PLCB1: variants seen among roughly 807,000 people sequenced by gnomAD.
PLCB1 encodes phospholipase C beta 1.
A neutral mutation model predicts 161.8 loss-of-function variants in PLCB1; 46 were observed. The ratio of observed to expected loss-of-function variants is 0.28; its 90% CI spans 0.22 to 0.36. The LOEUF is 0.36. PLCB1 is among the 10% of genes least tolerant of loss of function. The pLI is 1.00. For synonymous variants in PLCB1, 517 were observed against 503.7 expected (o/e 1.03, Z -0.35); for missense variants, 1,016 against 1,472.5 (o/e 0.69, Z 5.07).
At chr20:8,699,561 C>G (rs1990654296) in intron 11 of PLCB1, among the ~76,000 whole-genome samples, 1 of 152,082 alleles carries the variant, frequency 6.6e-6, no homozygotes, top group Non-Finnish European at 1.5e-5. Context: ...AGATCCCAAA[C>G]CCCAGCTTCT....
chr20:8,292,030 G>A lies in PLCB1; in HGVS notation c.178-79352G>A, dbSNP rs371873846. ...TAGGTTATAAAGTCAGCACATAGTG[G>A]AGAAAATGCCATAGAGTCCAAATTA... On this transcript the variant is annotated intron_variant, in intron 2 of 31. Coordinates refer to ENST00000338037, the MANE Select transcript of PLCB1 (RefSeq NM_015192.4). Among the ~76,000 whole-genome samples the A allele has an allele frequency of 6.6e-5, 10 of 152,058 alleles. No individual in the cohort carries two copies. The East Asian group carries it at 1.4e-3, about 21-fold the overall frequency.
In PLCB1 at chr20:8,645,122, T is replaced by G. The variant is rs551745843; in HGVS notation, c.385-980T>G. ...GTTAAACAGATGCTTGAAGGCAGCATGCTCGTTAAGAGTCATCACCACTCC... is the reference window on the plus strand; with the variant it reads ...GTTAAACAGATGCTTGAAGGCAGCAGGCTCGTTAAGAGTCATCACCACTCC... On this transcript the variant is annotated intron_variant, in intron 4 of 31. Transcript: ENST00000338037. 1.1e-3 allele frequency among the ~76,000 whole-genome samples: 165 copies of G among 151,370 alleles called. 1 individual carries two copies. The highest frequency in any genetic ancestry group is 1.9e-3 in the Non-Finnish European group (129 of 67,630).
At chr20:8,378,983 A>G (rs959547768) in intron 3 of PLCB1, among the ~76,000 whole-genome samples, 1 of 151,912 alleles carries the variant, frequency 6.6e-6, no homozygotes, top group African/African-American at 2.4e-5. Flanking sequence ...TTATGTTTTT[A>G]ATTTTACTTT....
chr20:8,754,862 T>G (rs925752049), intron 23 of PLCB1, among the ~76,000 whole-genome samples: 1 of 152,198 alleles, frequency 6.6e-6, no homozygotes, highest in African/African-American at 2.4e-5. Flanking sequence ...ATGTACTCCA[T>G]TGGGACCATG....
chr20:8,420,774 T>G (rs1173045866), intron 3 of PLCB1, among the ~76,000 whole-genome samples: 1 of 152,202 alleles, frequency 6.6e-6, no homozygotes, highest in Non-Finnish European at 1.5e-5. Context: ...TGCACTTAAG[T>G]AGCTAAACAA....
At chr20:8,721,910 G>A (rs1334919127) in intron 14 of PLCB1, among the ~76,000 whole-genome samples, 2 of 141,600 alleles carry the variant, frequency 1.4e-5, no homozygotes, top group South Asian at 2.4e-4. Flanking sequence ...TGGAAGAGTC[G>A]CGGCTTGGGA....
At chr20:8,454,290 C>G (rs139848249) in intron 3 of PLCB1, among the ~76,000 whole-genome samples, 1 of 152,138 alleles carries the variant, frequency 6.6e-6, no homozygotes, top group African/African-American at 2.4e-5. Flanking sequence ...GGAGAAGTAG[C>G]CAGGATCCAG....
At chr20:8,237,010 A>G (rs753624311) in intron 2 of PLCB1, among the ~76,000 whole-genome samples, 3 of 152,088 alleles carry the variant, frequency 2.0e-5, no homozygotes, top group Non-Finnish European at 4.4e-5. Context: ...ACTCCAAGGT[A>G]TTTTGCAGAT....
intron 11 of PLCB1, among the ~76,000 whole-genome samples, chr20:8,705,080 T>C (rs1978595022): frequency 6.7e-6 from 1 of 148,300 alleles, no homozygotes; most frequent in Non-Finnish European, 1.5e-5. Flanking sequence ...CCAATTCAAA[T>C]GTTAATCTCA....
chr20:8,314,950 G>A lies in PLCB1; in HGVS notation c.178-56432G>A, dbSNP rs541706147. Among the ~76,000 whole-genome samples, 12 of 152,220 alleles carry A rather than the reference G, an allele frequency of 7.9e-5. No individual in the cohort carries two copies. In the South Asian group the frequency reaches 8.3e-4, roughly 11 times the overall value. ...GAGCCACTAATCAAGATTGGTTACC[G>A]GATTTGACCTTATGCAATTGTGGAA... On this transcript the variant is annotated intron_variant, in intron 2 of 31. Transcript: ENST00000338037.
Position 8,765,158 on chromosome 20 carries a change from C to G in PLCB1, c.2730C>G (p.Ile910Met). ...SVLTEVEAQT[I>M]EELKQQKSFV... is the part of the protein sequence containing the mutation. ...TTGCAGAAGTGGAAGCACAGACCAT[C>G]GAAGAACTAAAGCAACAGAAATCGT... The change falls in exon 26 of 32, where the codon ATC becomes ATG. Residue 910 changes from isoleucine to methionine, a missense_variant. Coordinates refer to ENST00000338037, the MANE Select transcript of PLCB1 (RefSeq NM_015192.4). 1 of 1,613,382 alleles carries G rather than the reference C, an allele frequency of 6.2e-7. No individual in the cohort carries two copies. Among genetic ancestry groups the G allele is most frequent in the Non-Finnish European group, 8.5e-7 (1 of 1,179,774 alleles).
At chr20:8,374,123 A>G (rs1986992009) in intron 3 of PLCB1, among the ~76,000 whole-genome samples, 1 of 151,980 alleles carries the variant, frequency 6.6e-6, no homozygotes, top group Non-Finnish European at 1.5e-5. Context: ...CTTGAATTGT[A>G]ATTCCCATCA....
chr20:8,623,849 G>C (rs1443575198), intron 3 of PLCB1: 3 of 152,128 alleles, frequency 2.0e-5, no homozygotes, highest in Admixed American at 6.6e-5. Context: ...TAAGCCACTG[G>C]TACACCCTGG....
At chr20:8,498,015 T>C (rs1983246875) in intron 3 of PLCB1, among the ~76,000 whole-genome samples, 1 of 152,232 alleles carries the variant, frequency 6.6e-6, no homozygotes, top group Admixed American at 6.5e-5. Context: ...TCATTATTTA[T>C]CTTTTAATAA....
chr20:8,443,927 T>G (rs1980684952), intron 3 of PLCB1, among the ~76,000 whole-genome samples: 1 of 152,192 alleles, frequency 6.6e-6, no homozygotes, highest in Non-Finnish European at 1.5e-5. Flanking sequence ...GTTTACCAAC[T>G]TCTTTTGTTG....
chr20:8,623,484 CATT>C (rs1271923192), intron 3 of PLCB1, among the ~76,000 whole-genome samples: 1 of 152,088 alleles, frequency 6.6e-6, no homozygotes, highest in African/African-American at 2.4e-5. Context: ...ATAAATTCAT[CATT>C]ATTCCATCCC....
chr20:8,298,294 C>CA (rs11474417), intron 2 of PLCB1, among the ~76,000 whole-genome samples: 40,612 of 112,812 alleles, frequency 0.36, 6,839 homozygotes, highest in African/African-American at 0.5. Context: ...GACTATGTCT[C>CA]AAAAAAAAAA....
At chr20:8,442,301 A>G (rs753549825) in intron 3 of PLCB1, among the ~76,000 whole-genome samples, 23 of 152,196 alleles carry the variant, frequency 1.5e-4, no homozygotes, top group South Asian at 2.1e-4. Context: ...AGGGGCCGGC[A>G]GGTTTCGTTG....
At chr20:8,173,070 C>T (rs1415850223) in intron 2 of PLCB1, among the ~76,000 whole-genome samples, 1 of 152,150 alleles carries the variant, frequency 6.6e-6, no homozygotes, top group Admixed American at 6.5e-5. Flanking sequence ...TTCTTCCTGA[C>T]CAGGCCTGGG....
Sources: allele counts gnomAD v4.1 joint callset (sites outside exome capture counted in the v4.1 genomes callset), GRCh38; gene constraint gnomAD v4.1.1; transcripts MANE v1.5; gene names NCBI Gene and HGNC (gene_info 2026-07-23, HGNC 2026-07-21).